The following PMFBP1 variants were observed in gnomAD, a reference collection of about 807,000 sequenced individuals.
PMFBP1 encodes the protein polyamine-modulated factor 1-binding protein 1.
PMFBP1 carries 131 observed loss-of-function variants against 137.8 expected under a neutral mutation model. The observed-to-expected ratio is 0.95, with a 90% CI of 0.82 to 1.10. The LOEUF (loss-of-function observed/expected upper bound fraction) is 1.10, where lower values mean the gene tolerates loss of function less well. PMFBP1 is among the 50% of genes least tolerant of loss of function. PMFBP1 has a pLI of 0.00. For synonymous variants in PMFBP1, 490 were observed against 450.4 expected, an observed-to-expected ratio of 1.09 and a Z score of -1.11; for missense variants, 1,199 against 1,175.4, an observed-to-expected ratio of 1.02 and a Z score of -0.29.
chr16:72,182,262 A>G, the PMFBP1 span, among the ~76,000 whole-genome samples: 1 of 152,206 alleles, frequency 6.6e-6, no homozygotes. Context: ...TGGGAGGCCA[A>G]TGTGGGCAAA....
Position 72,129,201 on chromosome 16 carries a change from T to A in PMFBP1, c.1815A>T (p.Leu605Phe), listed in dbSNP as rs374854562. ...HREQGSIKCK[L>F]EEDLQEATKL... ...TTGTGGCCTCCTGAAGATCTTCTTCTAACTTGCATTTGATGGAGCCTTGCT... is the reference window on the plus strand; with the variant it reads ...TTGTGGCCTCCTGAAGATCTTCTTCAAACTTGCATTTGATGGAGCCTTGCT... The change falls in exon 13 of 21, where the codon TTA becomes TTT. Residue 605 changes from leucine to phenylalanine, a missense_variant. By Grantham distance (22) the Leu-to-Phe change is conservative. Transcript: ENST00000237353. 9.9e-6 allele frequency: 16 copies of A among 1,613,540 alleles called. No individual in the cohort carries two copies. Among genetic ancestry groups the A allele is most frequent in the Admixed American group, 3.3e-5 (2 of 60,004 alleles).
the PMFBP1 span, among the ~76,000 whole-genome samples, chr16:72,208,714 G>C: frequency 6.6e-6 from 1 of 152,222 alleles, no homozygotes; most frequent in Non-Finnish European, 1.5e-5. Flanking sequence ...CATTGGTGCA[G>C]AAGAATGGAT....
At chr16:72,206,858 C>T in the PMFBP1 span, among the ~76,000 whole-genome samples, 1 of 152,216 alleles carries the variant, frequency 6.6e-6, no homozygotes, top group South Asian at 2.1e-4. Flanking sequence ...ATCACCCAGA[C>T]TGCACGTGAT....
At chr16:72,213,204 G>A in the PMFBP1 span, among the ~76,000 whole-genome samples, 12 of 150,924 alleles carry the variant, frequency 8.0e-5, no homozygotes, top group East Asian at 2.0e-4. Flanking sequence ...GCCCGGGGGG[G>A]GGTGGGGAAA....
chr16:72,134,590 T>C (rs1225480734), intron 9 of PMFBP1, among the ~76,000 whole-genome samples: 2 of 152,210 alleles, frequency 1.3e-5, no homozygotes, highest in African/African-American at 2.4e-5. Flanking sequence ...AAGCACCCCA[T>C]GGTCTGGTCC....
chr16:72,172,409 G>A (rs948934757), upstream of PMFBP1: 4 of 149,806 alleles, frequency 2.7e-5, no homozygotes, highest in African/African-American at 9.9e-5. Flanking sequence ...GCTCCACATT[G>A]TCCTCAATAT....
At chr16:72,206,072 G>A in the PMFBP1 span, among the ~76,000 whole-genome samples, 1 of 152,174 alleles carries the variant, frequency 6.6e-6, no homozygotes, top group Admixed American at 6.5e-5. Context: ...TGGGAAATGG[G>A]CCAGGGGTCT....
At chr16:72,234,562 C>T in the PMFBP1 span, among the ~76,000 whole-genome samples, 296 of 152,302 alleles carry the variant, frequency 1.9e-3, no homozygotes, top group African/African-American at 6.8e-3. Context: ...CGTCCAACCC[C>T]ACCCTCTTAC....
At chr16:72,207,709 C>CGTGT in the PMFBP1 span, among the ~76,000 whole-genome samples, 1 of 94,472 alleles carries the variant, frequency 1.1e-5, no homozygotes, top group African/African-American at 5.7e-5. Flanking sequence ...ACCAGTAGGG[C>CGTGT]ATGTGTGTGT....
downstream of PMFBP1, among the ~76,000 whole-genome samples, chr16:72,116,906 C>T (rs1016834506): frequency 6.6e-6 from 1 of 151,840 alleles, no homozygotes; most frequent in Non-Finnish European, 1.5e-5. Context: ...ATTTTGATTA[C>T]TGTAGGTTTG....
At chr16:72,214,651 A>G in the PMFBP1 span, among the ~76,000 whole-genome samples, 2 of 152,252 alleles carry the variant, frequency 1.3e-5, no homozygotes, top group African/African-American at 2.4e-5. Context: ...GGAAATGCAT[A>G]ATAAAGACAC....
the PMFBP1 span, among the ~76,000 whole-genome samples, chr16:72,188,251 A>C: frequency 6.6e-6 from 1 of 152,234 alleles, no homozygotes; most frequent in Non-Finnish European, 1.5e-5. Flanking sequence ...CGATTGGGCT[A>C]ATTAAAGGTA....
chr16:72,229,338 T>C, the PMFBP1 span, among the ~76,000 whole-genome samples: 1 of 152,190 alleles, frequency 6.6e-6, no homozygotes, highest in African/African-American at 2.4e-5. Flanking sequence ...GTCTTTATGG[T>C]AGAACAATTT....
At chr16:72,178,584 T>C (rs930465269), upstream of PMFBP1, among the ~76,000 whole-genome samples, 1 of 152,228 alleles carries the variant, frequency 6.6e-6, no homozygotes, top group Non-Finnish European at 1.5e-5. Context: ...TTTACATCAC[T>C]ATGAACTCAT....
chr16:72,232,849 G>T, the PMFBP1 span, among the ~76,000 whole-genome samples: 1 of 152,080 alleles, frequency 6.6e-6, no homozygotes, highest in East Asian at 1.9e-4. Context: ...AAGTGTTAGG[G>T]ATGCAAAGTT....
upstream of PMFBP1, among the ~76,000 whole-genome samples, chr16:72,180,331 A>T (rs1310065960): frequency 6.6e-6 from 1 of 152,154 alleles, no homozygotes; most frequent in African/African-American, 2.4e-5. Context: ...GTGAGCCCAG[A>T]GCCACTTGTT....
the PMFBP1 span, among the ~76,000 whole-genome samples, chr16:72,207,710 A>ATGTGTGTGTGTG: frequency 0.049 from 7,112 of 143,912 alleles, 209 homozygotes; most frequent in South Asian, 0.12. Flanking sequence ...CCAGTAGGGC[A>ATGTGTGTGTGTG]TGTGTGTGTG....
chr16:72,240,708 G>T, the PMFBP1 span, among the ~76,000 whole-genome samples: 1 of 152,226 alleles, frequency 6.6e-6, no homozygotes, highest in Non-Finnish European at 1.5e-5. Flanking sequence ...GGCATCTGCT[G>T]TTCTCCGGCT....
chr16:72,135,740 G>GTTTTTTTTTTTTT (rs869189990), intron 9 of PMFBP1, among the ~76,000 whole-genome samples: 1 of 66,816 alleles, frequency 1.5e-5, no homozygotes, highest in Admixed American at 2.4e-4. Flanking sequence ...TAATTTTTCT[G>GTTTTTTTTTTTTT]TTTTTTTTTT....
Sources: gnomAD v4.1 joint callset for allele counts (sites outside exome capture counted in the v4.1 genomes callset) on GRCh38, gnomAD v4.1.1 for gene constraint, MANE v1.5 for transcripts, NCBI Gene and HGNC (gene_info 2026-07-23, HGNC 2026-07-21) for gene names.